AFF1: variants seen among roughly 807,000 people sequenced by gnomAD.
AFF1 encodes the protein ALF transcription elongation factor 1, also known as AF4/FMR2 family member 1.
In AFF1, 48 loss-of-function variants were observed where a neutral mutation model predicts 121.7. That is an observed-to-expected ratio of 0.39 (90% CI 0.31 to 0.50). AFF1 has a LOEUF of 0.50. Among genes scored for constraint, AFF1 ranks in the 20% least tolerant of loss-of-function variants. The pLI is 0.76. For missense variants in AFF1, 1,523 were observed against 1,511.7 expected, an observed-to-expected ratio of 1.01 and a Z score of -0.12; for synonymous variants, 613 against 563.0, an observed-to-expected ratio of 1.09 and a Z score of -1.26.
At position 86,972,003 on chromosome 4, in the gene AFF1, T is replaced by C. The variant is rs138551509; in HGVS notation, c.38+23432T>C. ...ACTTCAAAAGATTAGTCGGGAATAG[T>C]GGCACATGCCTGTAGACTCAGCTAC... is the stretch of plus-strand genomic sequence containing the variant. On this transcript the variant is annotated intron_variant, in intron 2 of 20. Transcript: ENST00000395146. Among the ~76,000 whole-genome samples, 909 of 152,004 alleles carry C rather than the reference T, an allele frequency of 6.0e-3. 4 individuals carry two copies. The highest frequency in any genetic ancestry group is 0.01 in the Non-Finnish European group (709 of 67,944).
chr4:86,995,511 G>A (rs1427635762), intron 2 of AFF1, among the ~76,000 whole-genome samples: 26 of 152,034 alleles, frequency 1.7e-4, no homozygotes, highest in African/African-American at 6.3e-4. Flanking sequence ...ACGGGGTTTC[G>A]CTGTGTTGGC....
intron 12 of AFF1, among the ~76,000 whole-genome samples, chr4:87,122,833 T>C (rs769749849): frequency 1.4e-4 from 20 of 144,626 alleles, no homozygotes; most frequent in Admixed American, 4.3e-4. Flanking sequence ...TTTAAACTTT[T>C]CTAATACCAC....
intron 4 of AFF1, among the ~76,000 whole-genome samples, chr4:87,069,809 A>G (rs960381890): frequency 2.1e-5 from 3 of 146,050 alleles, no homozygotes; most frequent in Non-Finnish European, 4.5e-5. Context: ...ATTCCTTATC[A>G]CTCAGGATTT....
At chr4:87,107,447 A>G (rs1344979749) in intron 10 of AFF1, among the ~76,000 whole-genome samples, 3 of 152,134 alleles carry the variant, frequency 2.0e-5, no homozygotes, top group South Asian at 2.1e-4. Flanking sequence ...ACTTTGTCTG[A>G]CATTTGGGGA....
At chr4:87,125,201 G>T in intron 13 of AFF1, 58 bp downstream of exon 13, 2 of 1,324,110 alleles carry the variant, frequency 1.5e-6, no homozygotes, top group East Asian at 2.5e-5. Flanking sequence ...CTTGGGTCTT[G>T]ACATAGCAAA....
intron 2 of AFF1, among the ~76,000 whole-genome samples, chr4:86,957,016 T>C (rs1054244592): frequency 6.6e-6 from 1 of 152,228 alleles, no homozygotes. Context: ...ACTTTTTCTC[T>C]GTCTTTAGCC....
intron 12 of AFF1, among the ~76,000 whole-genome samples, chr4:87,120,674 G>A (rs1304017295): frequency 2.0e-5 from 3 of 152,148 alleles, no homozygotes; most frequent in South Asian, 2.1e-4. Flanking sequence ...CGTCAGCCCC[G>A]GCTTGGTTCC....
At chr4:87,105,961 A>G in intron 10 of AFF1, 116 bp downstream of exon 10, 1 of 1,309,742 alleles carries the variant, frequency 7.6e-7, no homozygotes, top group Middle Eastern at 1.9e-4. Flanking sequence ...GAGCTGAAGG[A>G]TCACAGTAAA....
At position 86,935,038 on chromosome 4, in the gene AFF1, C is replaced by T. The variant is rs1231175290; in HGVS notation, c.-239C>T. On this transcript the variant is annotated 5_prime_UTR_variant, in exon 1 of 21. Coordinates refer to ENST00000395146, the MANE Select transcript of AFF1 (RefSeq NM_001166693.3). ...CCAGCTAGCGAGCGACGGGCGCGCG[C>T]GGCCCCTGCGCACTCGGCCGCCGCC... 6.6e-6 allele frequency: 1 copy of T among 151,878 alleles called. No individual in the cohort carries two copies. The highest frequency in any genetic ancestry group is 1.5e-5 in the Non-Finnish European group (1 of 67,944). 9.4% of individuals were successfully genotyped at this position (151,878 alleles called of 1,614,324 possible). A position where few individuals can be genotyped will look rare whatever the true frequency, so the allele number is the denominator to read the frequency against.
intron 2 of AFF1, among the ~76,000 whole-genome samples, chr4:87,019,074 ATC>A (rs902298327): frequency 1.5e-4 from 23 of 152,244 alleles, no homozygotes; most frequent in African/African-American, 4.8e-4. Context: ...GATGGTCTCT[ATC>A]TCTGCCAAAA....
intron 2 of AFF1, among the ~76,000 whole-genome samples, chr4:87,036,106 C>T (rs759925147): frequency 5.9e-5 from 9 of 152,164 alleles, no homozygotes; most frequent in Non-Finnish European, 8.8e-5. Context: ...GCCAATGAGG[C>T]ACTGTGCAGC....
intron 2 of AFF1, among the ~76,000 whole-genome samples, chr4:86,953,043 TTATATTC>T (rs942456730): frequency 2.7e-4 from 40 of 148,774 alleles, no homozygotes; most frequent in African/African-American, 9.4e-4. Context: ...AAAAGATACT[TTATATTC>T]TATGACATAT....
rs1484427507 is a variant in AFF1, at chr4:86,975,190, C to T, written c.38+26619C>T. On this transcript the variant is annotated intron_variant, in intron 2 of 20. Coordinates refer to ENST00000395146, the MANE Select transcript of AFF1 (RefSeq NM_001166693.3). ...CCTCTGTGTTTCTGACCATATTGGTCCCTTCCGACACTACTTTGTTTTTTT... is the reference window on the plus strand; with the variant it reads ...CCTCTGTGTTTCTGACCATATTGGTTCCTTCCGACACTACTTTGTTTTTTT... 2.0e-5 allele frequency among the ~76,000 whole-genome samples: 3 copies of T among 152,156 alleles called. No homozygotes were observed. In the East Asian group the frequency reaches 5.8e-4, roughly 29 times the overall value.
At chr4:87,041,484 T>C (rs953468378) in intron 2 of AFF1, among the ~76,000 whole-genome samples, 2 of 152,216 alleles carry the variant, frequency 1.3e-5, no homozygotes, top group South Asian at 4.1e-4. Context: ...TGTAGGTCTC[T>C]GTGATCTGTG....
chr4:87,068,116 A>C (rs184239366), intron 4 of AFF1, among the ~76,000 whole-genome samples: 1 of 151,650 alleles, frequency 6.6e-6, no homozygotes, highest in East Asian at 1.9e-4. Flanking sequence ...TTGTTTTGAA[A>C]TACATAATAC....
intron 2 of AFF1, among the ~76,000 whole-genome samples, chr4:86,962,533 T>G (rs932950522): frequency 2.6e-5 from 4 of 152,170 alleles, no homozygotes; most frequent in African/African-American, 9.7e-5. Context: ...TGTGGAGAAT[T>G]TGAACTTCAT....
At chr4:86,972,017 A>G (rs1722980485) in intron 2 of AFF1, among the ~76,000 whole-genome samples, 1 of 150,972 alleles carries the variant, frequency 6.6e-6, no homozygotes. Flanking sequence ...ACATGCCTGT[A>G]GACTCAGCTA....
intron 2 of AFF1, chr4:86,949,582 T>G: frequency 9.4e-7 from 1 of 1,059,194 alleles, no homozygotes; most frequent in Non-Finnish European, 1.4e-6. Context: ...CGGGCTTTAT[T>G]CCGGGTGCTG....
chr4:86,953,543 C>T (rs1578839067), intron 2 of AFF1, among the ~76,000 whole-genome samples: 1 of 152,150 alleles, frequency 6.6e-6, no homozygotes, highest in East Asian at 1.9e-4. Flanking sequence ...AAATAATGAG[C>T]TTATTCTGTG....
Sources: allele counts gnomAD v4.1 joint callset (sites outside exome capture counted in the v4.1 genomes callset), GRCh38; gene constraint gnomAD v4.1.1; transcripts MANE v1.5; gene names NCBI Gene and HGNC (gene_info 2026-07-23, HGNC 2026-07-21).